GALNT2: variants seen among roughly 807,000 people sequenced by gnomAD.
The protein encoded by GALNT2 is polypeptide N-acetylgalactosaminyltransferase 2.
In GALNT2, 31 loss-of-function variants were observed where a neutral mutation model predicts 81.4. The observed-to-expected ratio is 0.38, with a 90% CI of 0.29 to 0.51. The LOEUF (loss-of-function observed/expected upper bound fraction) is 0.51, where lower values mean the gene tolerates loss of function less well. Among genes scored for constraint, GALNT2 ranks in the 20% least tolerant of loss-of-function variants. GALNT2 has a pLI of 0.87. For missense variants in GALNT2, 629 were observed against 765.7 expected (o/e 0.82, Z 2.11); for synonymous variants, 303 against 287.4 (o/e 1.05, Z -0.55).
Position 230,099,647 on chromosome 1 carries a change from G to T in GALNT2, c.126+32241G>T, listed in dbSNP as rs543419608. ...TAGCAATGGTGCGTTCCCTCAGAAG[G>T]TTTGCTGTGGCCCATTTAGCCATAT... On this transcript the variant is annotated intron_variant, in intron 1 of 15. Transcript: ENST00000366672. Among the ~76,000 whole-genome samples, 5 of 152,338 alleles carry T rather than the reference G, an allele frequency of 3.3e-5. No homozygotes were observed. In the South Asian group the frequency reaches 8.3e-4, roughly 25 times the overall value.
At chr1:230,248,102 G>A (rs571618287) in intron 8 of GALNT2, among the ~76,000 whole-genome samples, 1 of 152,262 alleles carries the variant, frequency 6.6e-6, no homozygotes, top group East Asian at 1.9e-4. Flanking sequence ...ACTCTATCCT[G>A]CAGTGAGGGA....
chr1:230,134,064 G>A (rs1661456356), intron 1 of GALNT2, among the ~76,000 whole-genome samples: 1 of 150,664 alleles, frequency 6.6e-6, no homozygotes, highest in Non-Finnish European at 1.5e-5. Context: ...TCTGATACTT[G>A]GTTGGTTTGC....
chr1:230,117,203 G>A (rs12078342), intron 1 of GALNT2, among the ~76,000 whole-genome samples: 64,268 of 152,080 alleles, frequency 0.42, 13,570 homozygotes, highest in South Asian at 0.53. Context: ...CCTCACACAC[G>A]GTTAGCTTTC....
At chr1:230,123,450 A>G (rs1661084606) in intron 1 of GALNT2, among the ~76,000 whole-genome samples, 2 of 152,150 alleles carry the variant, frequency 1.3e-5, no homozygotes, top group South Asian at 4.1e-4. Context: ...CAGGTTGGTC[A>G]TGTCTTTGTG....
intron 1 of GALNT2, among the ~76,000 whole-genome samples, chr1:230,086,344 C>T (rs1289942169): frequency 4.6e-5 from 7 of 152,162 alleles, no homozygotes; most frequent in Non-Finnish European, 1.0e-4. Context: ...CCCAGCAGAG[C>T]ACCTCCTGGT....
At chr1:230,268,665 AG>A in intron 14 of GALNT2, among the ~76,000 whole-genome samples, 1 of 152,124 alleles carries the variant, frequency 6.6e-6, no homozygotes, top group Non-Finnish European at 1.5e-5. Flanking sequence ...CCGCACAGCT[AG>A]TAACACGAGA....
At chr1:230,078,621 A>C (rs780163636) in intron 1 of GALNT2, among the ~76,000 whole-genome samples, 32 of 152,242 alleles carry the variant, frequency 2.1e-4, no homozygotes, top group Middle Eastern at 3.4e-3. Flanking sequence ...GCATTCTTAC[A>C]TTGGTTGCTG....
intron 1 of GALNT2, among the ~76,000 whole-genome samples, chr1:230,074,098 CTTT>C (rs11360495): frequency 1.2e-4 from 17 of 144,826 alleles, no homozygotes; most frequent in Admixed American, 4.1e-4. Flanking sequence ...TTTTGGCTGG[CTTT>C]TTTTTTTTTT....
rs145628006 is a variant in GALNT2, at chr1:230,243,332, G to A, written c.634G>A (p.Ala212Thr). ...CCTCATGCGCTCACGGGTTCGGGGG[G>A]CCGATGCTGCCCAAGCCAAGGTCCT... ...EGLMRSRVRG[A>T]DAAQAKVLTF... The change falls in exon 7 of 16, where the codon GCC becomes ACC. Residue 212 changes from alanine (A) to threonine (T), a missense_variant. By Grantham distance (58) the Ala-to-Thr change is moderately conservative. Coordinates refer to ENST00000366672, the MANE Select transcript of GALNT2 (RefSeq NM_004481.5). This position sits in a 1 kb window ranked among gnomAD's most constrained non-coding sequence, Gnocchi z 4.2. The A allele has an allele frequency of 4.2e-5, 67 of 1,608,596 alleles. No homozygotes were observed. Among genetic ancestry groups the A allele is most frequent in the Non-Finnish European group, 4.6e-5 (54 of 1,179,310 alleles).
At chr1:230,164,883 A>G (rs1662553229) in intron 1 of GALNT2, among the ~76,000 whole-genome samples, 1 of 152,116 alleles carries the variant, frequency 6.6e-6, no homozygotes, top group African/African-American at 2.4e-5. Flanking sequence ...GAGATTCTAC[A>G]GTAGTGCCTG....
At chr1:230,206,991 C>T (rs192386220) in intron 3 of GALNT2, among the ~76,000 whole-genome samples, 180 of 151,850 alleles carry the variant, frequency 1.2e-3, no homozygotes, top group African/African-American at 4.1e-3. Context: ...CAAAACTTCC[C>T]GTCCCCCTTT....
chr1:230,128,478 C>G (rs1200001585), intron 1 of GALNT2, among the ~76,000 whole-genome samples: 2 of 152,092 alleles, frequency 1.3e-5, no homozygotes, highest in African/African-American at 4.8e-5. Context: ...TTCAGTGGGC[C>G]ACTTGGGTCT....
At chr1:230,058,184 C>G in intron 1 of GALNT2, 1 of 450,274 alleles carries the variant, frequency 2.2e-6, no homozygotes, top group Non-Finnish European at 4.5e-6. Flanking sequence ...CACTGGCCTC[C>G]TCCTTCCTAG....
intron 10 of GALNT2, among the ~76,000 whole-genome samples, chr1:230,251,539 G>A (rs16851220): frequency 0.044 from 6,738 of 152,192 alleles, 193 homozygotes; most frequent in Non-Finnish European, 0.064. Context: ...TATACTGCAC[G>A]GGTGGAGAGA....
chr1:230,149,788 G>T (rs1456263905), intron 1 of GALNT2, among the ~76,000 whole-genome samples: 1 of 152,102 alleles, frequency 6.6e-6, no homozygotes, highest in African/African-American at 2.4e-5. Context: ...GAATAGCATG[G>T]CGTGAATAAC....
intron 1 of GALNT2, among the ~76,000 whole-genome samples, chr1:230,125,554 G>A (rs897572759): frequency 6.6e-6 from 1 of 152,210 alleles, no homozygotes; most frequent in African/African-American, 2.4e-5. Context: ...GTATCTGTGG[G>A]ATTTCGTCAA....
chr1:230,069,607 T>C (rs1177661039), intron 1 of GALNT2, among the ~76,000 whole-genome samples: 1 of 152,166 alleles, frequency 6.6e-6, no homozygotes, highest in East Asian at 1.9e-4. Context: ...CACGAATGCC[T>C]GATGTATAGG....
chr1:230,227,729 C>T (rs1440089295), intron 3 of GALNT2, among the ~76,000 whole-genome samples: 2 of 152,150 alleles, frequency 1.3e-5, no homozygotes, highest in East Asian at 3.9e-4. Flanking sequence ...GAGGGAGTTT[C>T]CTTCACCTGA....
At chr1:230,196,905 C>T (rs1213790601) in intron 2 of GALNT2, among the ~76,000 whole-genome samples, 1 of 152,130 alleles carries the variant, frequency 6.6e-6, no homozygotes, top group African/African-American at 2.4e-5. Context: ...AACTGGGTTT[C>T]TCAGACCCAG....
Sources: allele counts gnomAD v4.1 joint callset (sites outside exome capture counted in the v4.1 genomes callset), GRCh38; gene constraint gnomAD v4.1.1; non-coding constraint Gnocchi (gnomAD v3.1); transcripts MANE v1.5; gene names NCBI Gene and HGNC (gene_info 2026-07-23, HGNC 2026-07-21).